SLC6A6: variants seen among roughly 807,000 people sequenced by gnomAD.
SLC6A6 encodes sodium- and chloride-dependent taurine transporter.
SLC6A6 carries 16 observed loss-of-function variants against 68.8 expected under a neutral mutation model. The observed-to-expected ratio is 0.23, with a 90% CI of 0.16 to 0.35. The LOEUF (loss-of-function observed/expected upper bound fraction) is 0.35. Ranked by LOEUF, SLC6A6 falls within the 10% of genes least tolerant of loss-of-function variation. SLC6A6 has a pLI of 1.00. For missense variants in SLC6A6, 474 were observed against 802.8 expected (o/e 0.59, Z 4.95); for synonymous variants, 312 against 315.4 (o/e 0.99, Z 0.12).
In SLC6A6 at chr3:14,485,159, C is replaced by CAT; in HGVS notation, c.*152_*153insAT. 2.2e-6 allele frequency: 1 copy of CAT among 463,144 alleles called. No homozygotes were observed. Among genetic ancestry groups the CAT allele is most frequent in the Middle Eastern group, 5.2e-4 (1 of 1,916 alleles). 28.7% of individuals were successfully genotyped at this position (463,144 alleles called of 1,614,324 possible). On this transcript the variant is annotated 3_prime_UTR_variant, in exon 15 of 15. Transcript: ENST00000622186. Reference sequence around the variant, plus strand: ...ATGTAATTGTGGGTATGTGTGCGTGCGTGTGTGTGTGTGTGTGTATCGTGT... The same window carrying CAT: ...ATGTAATTGTGGGTATGTGTGCGTGCATGTGTGTGTGTGTGTGTGTATCGTGT...
intron 10 of SLC6A6, among the ~76,000 whole-genome samples, chr3:14,475,247 G>C (rs1700847386): frequency 6.6e-6 from 1 of 152,068 alleles, no homozygotes; most frequent in African/African-American, 2.4e-5. Flanking sequence ...GGCCAGGCTG[G>C]TCTCGAACTC....
chr3:14,403,762 C>T (rs535759503), intron 1 of SLC6A6, among the ~76,000 whole-genome samples: 1 of 152,338 alleles, frequency 6.6e-6, no homozygotes, highest in African/African-American at 2.4e-5. Context: ...AGGAGATTCT[C>T]GTCCCCCTCC....
chr3:14,476,590 G>A (rs1357581228), intron 10 of SLC6A6, among the ~76,000 whole-genome samples: 1 of 152,228 alleles, frequency 6.6e-6, no homozygotes, highest in African/African-American at 2.4e-5. Context: ...GCCACTGTGT[G>A]AATCTGACCT....
In SLC6A6 at chr3:14,484,901, AC is replaced by A; in HGVS notation, c.1759del (p.Arg587AlafsTer18). On this transcript the variant is annotated frameshift_variant, in exon 15 of 15. Transcript: ENST00000622186. LOFTEE classifies it high-confidence loss of function. Reference sequence around the variant, plus strand: ...TACCTGCTGACCCCAAGGGAACCCAACCGCTGGGCTGTGGAGCGCGAGGGAG... The same window carrying A: ...TACCTGCTGACCCCAAGGGAACCCAACGCTGGGCTGTGGAGCGCGAGGGAG... ...VKYLLTPREP[N>X]RWAVEREGAT... The A allele has an allele frequency of 6.2e-7, 1 of 1,612,024 alleles. No individual in the cohort carries two copies. The highest frequency in any genetic ancestry group is 8.5e-7 in the Non-Finnish European group (1 of 1,179,982).
intron 3 of SLC6A6, chr3:14,444,893 C>T (rs749473362): frequency 2.2e-6 from 1 of 453,118 alleles, no homozygotes; most frequent in East Asian, 7.0e-5. Flanking sequence ...CAATGCTTTG[C>T]CCCCCCATTC....
chr3:14,405,614 G>A (rs1011404933), intron 1 of SLC6A6, among the ~76,000 whole-genome samples: 1 of 152,220 alleles, frequency 6.6e-6, no homozygotes, highest in Admixed American at 6.5e-5. Flanking sequence ...TCATGAGCAA[G>A]AGTCAGATTC....
At chr3:14,451,789 C>T (rs1379126394) in intron 5 of SLC6A6, among the ~76,000 whole-genome samples, 15 of 152,290 alleles carry the variant, frequency 9.8e-5, no homozygotes, top group African/African-American at 3.4e-4. Context: ...AACCCTGCAG[C>T]GTCTGACCCT....
chr3:14,456,969 TG>T (rs1250817544), intron 5 of SLC6A6, among the ~76,000 whole-genome samples: 17 of 152,344 alleles, frequency 1.1e-4, no homozygotes, highest in Admixed American at 1.1e-3. Context: ...CCTCGATCAC[TG>T]TTGCAGCAGT....
chr3:14,455,632 C>T (rs1214554485), intron 5 of SLC6A6, among the ~76,000 whole-genome samples: 2 of 152,218 alleles, frequency 1.3e-5, no homozygotes, highest in African/African-American at 4.8e-5. Flanking sequence ...GGATAGTGCA[C>T]CTGGTGGGCC....
At position 14,489,239 on chromosome 3, in the gene SLC6A6, G is replaced by C. The variant is rs1389269077; in HGVS notation, c.*4232G>C. 1 of 152,238 alleles carries C rather than the reference G, an allele frequency of 6.6e-6. No homozygotes were observed. The highest frequency in any genetic ancestry group is 2.4e-5 in the African/African-American group (1 of 41,304). 9.4% of individuals were successfully genotyped at this position (152,238 alleles called of 1,614,324 possible). Reference sequence around the variant, plus strand: ...TTTTGCAGGGGTTTTTTTCTCTTTTGCTTTTTAGATAAATATGTATATCAA... The same window carrying C: ...TTTTGCAGGGGTTTTTTTCTCTTTTCCTTTTTAGATAAATATGTATATCAA... On this transcript the variant is annotated 3_prime_UTR_variant, in exon 15 of 15. Coordinates refer to ENST00000622186, the MANE Select transcript of SLC6A6 (RefSeq NM_003043.6).
At position 14,433,055 on chromosome 3, in the gene SLC6A6, C is replaced by T. The variant is rs199800452; in HGVS notation, c.-11-10569C>T. Among the ~76,000 whole-genome samples, 4 of 151,888 alleles carry T rather than the reference C, an allele frequency of 2.6e-5. No individual in the cohort carries two copies. The East Asian group carries it at 7.7e-4, about 29-fold the overall frequency. On this transcript the variant is annotated intron_variant, in intron 2 of 14. Coordinates refer to ENST00000622186, the MANE Select transcript of SLC6A6 (RefSeq NM_003043.6). ...AATAATTTTTGTTTCTTTAACAAAA[C>T]GAGCCCCTCCCTCCTTCTCTAGTCG...
intron 5 of SLC6A6, among the ~76,000 whole-genome samples, chr3:14,455,972 T>A (rs1484481326): frequency 6.6e-6 from 1 of 152,250 alleles, no homozygotes; most frequent in Non-Finnish European, 1.5e-5. Flanking sequence ...ATTTAGGCTC[T>A]GTTTTCTCTT....
At chr3:14,409,592 C>A (rs549957878) in intron 1 of SLC6A6, among the ~76,000 whole-genome samples, 1 of 152,262 alleles carries the variant, frequency 6.6e-6, no homozygotes, top group Non-Finnish European at 1.5e-5. Context: ...GTGTGCCAGG[C>A]ACAGGGCCAG....
In SLC6A6 at chr3:14,480,455, A is replaced by G. The variant is rs530043221; in HGVS notation, c.1552-1216A>G. Among the ~76,000 whole-genome samples the G allele has an allele frequency of 7.7e-4, 107 of 139,266 alleles. No individual in the cohort carries two copies. In the South Asian group the frequency reaches 0.023, roughly 30 times the overall value. 91.4% of individuals were successfully genotyped at this position (139,266 alleles called of 152,430 possible). ...GATGAGGTCACCCTCATGGAGAGGA[A>G]TGGGAAACAGGCAGGCACTGGCTCA... is the stretch of plus-strand genomic sequence containing the variant. On this transcript the variant is annotated intron_variant, in intron 13 of 14. Transcript: ENST00000622186.
rs749543633 is a variant in SLC6A6, at chr3:14,445,760, C to G, written c.273C>G (p.Gly91=). 1 of 1,614,152 alleles carries G rather than the reference C, an allele frequency of 6.2e-7. No individual in the cohort carries two copies. The highest frequency in any genetic ancestry group is 1.3e-5 in the African/African-American group (1 of 75,062). ...IPYFIFLFGS[G]LPVFFLEIII... is the part of the protein sequence containing the mutation. The stretch of plus-strand genomic sequence containing the variant: ...ATTTTATTTTCCTGTTTGGGAGCGG[C>G]CTGCCTGTGTTTTTCTTGGAGATCA... Residue 91 remains glycine, a synonymous_variant, in exon 4 of 15, where the codon GGC becomes GGG. Coordinates refer to ENST00000622186, the MANE Select transcript of SLC6A6 (RefSeq NM_003043.6).
chr3:14,476,029 G>A (rs762163773), intron 10 of SLC6A6, among the ~76,000 whole-genome samples: 2 of 152,230 alleles, frequency 1.3e-5, no homozygotes, highest in African/African-American at 2.4e-5. Context: ...CTGGGGAAAC[G>A]TCCTTCCCAA....
intron 1 of SLC6A6, among the ~76,000 whole-genome samples, chr3:14,414,458 T>A (rs576058586): frequency 6.6e-6 from 1 of 152,250 alleles, no homozygotes; most frequent in South Asian, 2.1e-4. Flanking sequence ...TGGAACAGGT[T>A]TAAGCTGTCC....
intron 1 of SLC6A6, among the ~76,000 whole-genome samples, chr3:14,416,076 G>A (rs960549845): frequency 6.6e-6 from 1 of 152,206 alleles, no homozygotes; most frequent in African/African-American, 2.4e-5. Flanking sequence ...AGAGAGGGGC[G>A]TGTGTGAGTG....
rs1208655070 is a variant in SLC6A6 at position 14,450,836 on chromosome 3, G to A, written c.599+3020G>A. On this transcript the variant is annotated intron_variant, in intron 5 of 14. Transcript: ENST00000622186. This position sits in a 1 kb window ranked among gnomAD's most constrained non-coding sequence, Gnocchi z 4.1. ...GGTGGAAAGGCAAGAGAACCAGTAGGGAATAGTTGACTCCTGTGAGCATAG... is the reference window on the plus strand; with the variant it reads ...GGTGGAAAGGCAAGAGAACCAGTAGAGAATAGTTGACTCCTGTGAGCATAG... Among the ~76,000 whole-genome samples, 1 of 152,206 alleles carries A rather than the reference G, an allele frequency of 6.6e-6. No homozygotes were observed. The highest frequency in any genetic ancestry group is 2.4e-5 in the African/African-American group (1 of 41,452).
Sources: allele counts gnomAD v4.1 joint callset (sites outside exome capture counted in the v4.1 genomes callset), GRCh38; gene constraint gnomAD v4.1.1; non-coding constraint Gnocchi (gnomAD v3.1); transcripts MANE v1.5; gene names NCBI Gene and HGNC (gene_info 2026-07-23, HGNC 2026-07-21).